Variants in OCM observed in about 807,000 individuals in gnomAD.
The protein encoded by OCM is oncomodulin-1.
Under a neutral mutation model 14.1 loss-of-function variants are expected in OCM, and 18 were observed. That is an observed-to-expected ratio of 1.28 (90% confidence interval 0.88 to 1.89). The LOEUF (loss-of-function observed/expected upper bound fraction) is 1.89. OCM is among the 40% of genes most tolerant of loss of function. The pLI, the probability that OCM is intolerant of heterozygous loss-of-function variation, is 0.00. For synonymous variants in OCM, 48 were observed against 51.0 expected (o/e 0.94, Z 0.25); for missense variants, 140 against 137.6 (o/e 1.02, Z -0.09).
the OCM span, among the ~76,000 whole-genome samples, chr7:5,865,461 A>T: frequency 6.6e-6 from 1 of 152,218 alleles, no homozygotes; most frequent in Non-Finnish European, 1.5e-5. Context: ...CTCATTAGAC[A>T]GAGGGCAGCA....
In OCM at chr7:5,880,947, C is replaced by G. The variant is rs371654274; in HGVS notation, c.58C>G (p.Arg20Gly). 4.3e-6 allele frequency: 7 copies of G among 1,610,842 alleles called. No homozygotes were observed. Among genetic ancestry groups the G allele is most frequent in the Non-Finnish European group, 5.9e-6 (7 of 1,177,412 alleles). ...DDIAAALQEC[R>G]DPDTFEPQKF... ...CATTGCAGCAGCGCTCCAGGAATGC[C>G]GAGGTAGAGGGGACGTGAGGCGGGG... The change falls in exon 1 of 4, where the codon CGA (arginine) becomes GGA (glycine). Residue 20 changes from arginine (R) to glycine (G), a missense_variant. By Grantham distance (125) the Arg-to-Gly change is moderately radical. Coordinates refer to ENST00000242104, the MANE Select transcript of OCM (RefSeq NM_001097622.2).
At chr7:5,867,453 T>C in the OCM span, among the ~76,000 whole-genome samples, 1 of 152,236 alleles carries the variant, frequency 6.6e-6, no homozygotes, top group South Asian at 2.1e-4. Flanking sequence ...GCGCCCTTTA[T>C]ACGTGTTGGC....
chr7:5,868,755 G>A, the OCM span, among the ~76,000 whole-genome samples: 6 of 152,132 alleles, frequency 3.9e-5, no homozygotes, highest in Non-Finnish European at 8.8e-5. Context: ...CAGAAAGTCA[G>A]ACCAGTACTC....
At chr7:5,864,683 C>T in the OCM span, among the ~76,000 whole-genome samples, 11 of 151,684 alleles carry the variant, frequency 7.3e-5, no homozygotes, top group African/African-American at 2.4e-4. Flanking sequence ...GGCCGGGCAC[C>T]GTGGCTCACA....
At chr7:5,873,717 C>G in the OCM span, among the ~76,000 whole-genome samples, 1 of 152,020 alleles carries the variant, frequency 6.6e-6, no homozygotes, top group South Asian at 2.1e-4. Context: ...TAGGAGGCCA[C>G]CACAGTTGTT....
chr7:5,862,533 G>T, the OCM span, among the ~76,000 whole-genome samples: 1 of 151,754 alleles, frequency 6.6e-6, no homozygotes, highest in South Asian at 2.1e-4. Context: ...GGACAAGATC[G>T]TAAATCATCC....
In OCM at chr7:5,882,558, C is replaced by A; in HGVS notation, c.127C>A (p.Gln43Lys). Residue 43 changes from glutamine (Q) to lysine (K), a missense_variant, in exon 2 of 4, where the codon CAG (glutamine) becomes AAG (lysine). Gln to Lys is a moderately conservative substitution (Grantham distance 53, BLOSUM62 1). Transcript: ENST00000242104. ...TSGLSKMSANQVKDVFRFIDN... is the reference protein window; with the variant it reads ...TSGLSKMSANKVKDVFRFIDN... Reference sequence around the variant, plus strand: ...AGGCCTCTCCAAGATGTCAGCCAATCAGGTGAAGGATGTTTTCCGGTTCAT... The same window carrying A: ...AGGCCTCTCCAAGATGTCAGCCAATAAGGTGAAGGATGTTTTCCGGTTCAT... 6.2e-7 allele frequency: 1 copy of A among 1,614,132 alleles called. No homozygotes were observed. Among genetic ancestry groups the A allele is most frequent in the Non-Finnish European group, 8.5e-7 (1 of 1,180,030 alleles).
At chr7:5,868,489 C>T in the OCM span, among the ~76,000 whole-genome samples, 1 of 152,080 alleles carries the variant, frequency 6.6e-6, no homozygotes, top group South Asian at 2.1e-4. Flanking sequence ...CAACAATGCT[C>T]TAGTGAGCTC....
At chr7:5,878,466 G>C (rs181569112), upstream of OCM, among the ~76,000 whole-genome samples, 2 of 151,656 alleles carry the variant, frequency 1.3e-5, no homozygotes, top group African/African-American at 4.8e-5. Context: ...GTTAAGATTG[G>C]CCGGGCGCGG....
At chr7:5,876,192 C>T (rs533179765), upstream of OCM, among the ~76,000 whole-genome samples, 17 of 152,128 alleles carry the variant, frequency 1.1e-4, 2 homozygotes, top group African/African-American at 2.9e-4. Flanking sequence ...TTAGTAGAGA[C>T]GGAGTTTCAC....
upstream of OCM, among the ~76,000 whole-genome samples, chr7:5,878,243 A>G (rs984443162): frequency 3.3e-5 from 5 of 150,498 alleles, no homozygotes; most frequent in Non-Finnish European, 7.4e-5. Context: ...GATTACAGGC[A>G]TGAGCCACTG....
chr7:5,885,999 C>T (rs1781327779), intron 3 of OCM, 65 bp from the exon 4 acceptor site: 4 of 1,609,990 alleles, frequency 2.5e-6, no homozygotes, highest in African/African-American at 2.7e-5. Context: ...TTCTCATTGG[C>T]CACGGCACGT....
At chr7:5,878,846 T>G (rs1424408049), upstream of OCM, among the ~76,000 whole-genome samples, 1 of 112,258 alleles carries the variant, frequency 8.9e-6, no homozygotes, top group African/African-American at 3.4e-5. Flanking sequence ...GCTGGCCATA[T>G]AAAGGCTCAA....
At chr7:5,875,346 G>T (rs1409581406), upstream of OCM, among the ~76,000 whole-genome samples, 1 of 151,754 alleles carries the variant, frequency 6.6e-6, no homozygotes, top group Non-Finnish European at 1.5e-5. Flanking sequence ...TGTAAGCCAC[G>T]GCGCCCGGCC....
Position 5,886,094 on chromosome 7 carries a change from C to T in OCM, c.*5C>T. ...CAGGAAATGGTGCATTCTTAAAAGC[C>T]CCAGTCTCTGGAGAAAAGAGAGAAA... On this transcript the variant is annotated 3_prime_UTR_variant, in exon 4 of 4. Transcript: ENST00000242104. 3 of 1,612,806 alleles carry T rather than the reference C, an allele frequency of 1.9e-6. No homozygotes were observed. The highest frequency in any genetic ancestry group is 1.3e-5 in the African/African-American group (1 of 74,982).
At chr7:5,879,875 AG>A (rs1173601901), upstream of OCM, 13 of 152,108 alleles carry the variant, frequency 8.5e-5, no homozygotes, top group African/African-American at 3.1e-4. Context: ...TATATAAGGT[AG>A]GTCAGTAAGG....
the OCM span, among the ~76,000 whole-genome samples, chr7:5,874,228 A>G: frequency 2.0e-5 from 3 of 146,698 alleles, no homozygotes; most frequent in Admixed American, 2.0e-4. Flanking sequence ...TGTCTCAAAA[A>G]AAAAAAAAAA....
At chr7:5,877,086 G>A (rs1456435580), upstream of OCM, among the ~76,000 whole-genome samples, 7 of 152,056 alleles carry the variant, frequency 4.6e-5, no homozygotes, top group South Asian at 6.2e-4. Flanking sequence ...GATTACAGGC[G>A]TGAGCCACCA....
chr7:5,873,360 A>C, the OCM span, among the ~76,000 whole-genome samples: 3 of 152,078 alleles, frequency 2.0e-5, no homozygotes, highest in Admixed American at 2.0e-4. Flanking sequence ...CTGGGCAACA[A>C]GAGCAAAACT....
Sources: allele counts gnomAD v4.1 joint callset (sites outside exome capture counted in the v4.1 genomes callset), GRCh38; gene constraint gnomAD v4.1.1; transcripts MANE v1.5; gene names NCBI Gene and HGNC (gene_info 2026-07-23, HGNC 2026-07-21).